Variants in LARP1B observed in about 807,000 individuals in gnomAD.
LARP1B encodes La ribonucleoprotein 1B.
LARP1B carries 76 observed loss-of-function variants against 114.2 expected under a neutral mutation model. The ratio of observed to expected loss-of-function variants is 0.67; its 90% CI spans 0.55 to 0.81. The LOEUF is 0.81. Ranked by LOEUF, LARP1B falls within the 30% of genes least tolerant of loss-of-function variation. The pLI is 0.00. For missense variants in LARP1B, 1,014 were observed against 1,075.8 expected (o/e 0.94, Z 0.80); for synonymous variants, 345 against 348.0 (o/e 0.99, Z 0.10).
chr4:128,147,326 C>T (rs928689618), intron 11 of LARP1B, among the ~76,000 whole-genome samples: 2 of 152,198 alleles, frequency 1.3e-5, no homozygotes, highest in African/African-American at 2.4e-5. Context: ...CTTTTTCTCA[C>T]TGCTAAGACA....
chr4:128,204,487 TC>T (rs964381703), intron 17 of LARP1B, among the ~76,000 whole-genome samples: 4 of 151,842 alleles, frequency 2.6e-5, no homozygotes, highest in Non-Finnish European at 5.9e-5. Context: ...AAACCCCATC[TC>T]TACTAAAAAT....
chr4:128,209,410 G>A (rs945471323), intron 19 of LARP1B, among the ~76,000 whole-genome samples: 1 of 152,030 alleles, frequency 6.6e-6, no homozygotes, highest in Non-Finnish European at 1.5e-5. Flanking sequence ...TACAGAGTGA[G>A]ACTCTGTCTC....
chr4:128,122,074 C>T lies in LARP1B; in HGVS notation c.1410C>T (p.His470=), dbSNP rs1421249855. ...KHPGGDRTGT[H]MSRAKITSEL... is the part of the protein sequence containing the mutation. ...CTGGAGGAGATCGAACAGGCACCCA[C>T]ATGTCTCGGGCAAAAATCACATCTG... Residue 470 remains histidine, a synonymous_variant, in exon 11 of 20, where the codon CAC becomes CAT. Coordinates refer to ENST00000326639, the MANE Select transcript of LARP1B (RefSeq NM_018078.4). 6.2e-7 allele frequency: 1 copy of T among 1,613,976 alleles called. No individual in the cohort carries two copies. Among genetic ancestry groups the T allele is most frequent in the East Asian group, 2.2e-5 (1 of 44,872 alleles).
chr4:128,160,156 T>A (rs1382386006), intron 11 of LARP1B, among the ~76,000 whole-genome samples: 2 of 152,202 alleles, frequency 1.3e-5, no homozygotes, highest in Non-Finnish European at 2.9e-5. Flanking sequence ...CAAATGAGTG[T>A]GGTTATGTTC....
chr4:128,199,498 C>T lies in LARP1B; in HGVS notation c.2063C>T (p.Pro688Leu). Reference sequence around the variant, plus strand: ...CTAGCAGGAAGTTATGGATGTACTCCTCATTCATTCCCAAAGTTCCAGCAT... The same window carrying T: ...CTAGCAGGAAGTTATGGATGTACTCTTCATTCATTCCCAAAGTTCCAGCAT... ...APLAGSYGCTPHSFPKFQHPS... is the reference protein window; with the variant it reads ...APLAGSYGCTLHSFPKFQHPS... Residue 688 changes from proline (P) to leucine (L), a missense_variant, in exon 16 of 20, where the codon CCT becomes CTT. Pro to Leu is a moderately conservative substitution (Grantham distance 98, BLOSUM62 -3). Coordinates refer to ENST00000326639, the MANE Select transcript of LARP1B (RefSeq NM_018078.4). 2 of 1,605,090 alleles carry T rather than the reference C, an allele frequency of 1.2e-6. No individual in the cohort carries two copies. The highest frequency in any genetic ancestry group is 1.7e-4 in the Middle Eastern group (1 of 6,032).
intron 9 of LARP1B, chr4:128,108,793 A>G (rs1184663275): frequency 3.0e-6 from 3 of 984,886 alleles, no homozygotes; most frequent in Non-Finnish European, 3.6e-6. Context: ...TAAGTTAGAT[A>G]AAATAGCATA....
intron 17 of LARP1B, among the ~76,000 whole-genome samples, chr4:128,203,770 G>C (rs530770655): frequency 6.6e-6 from 1 of 152,096 alleles, no homozygotes; most frequent in African/African-American, 2.4e-5. Flanking sequence ...AGCTAACATC[G>C]CTTACATCTC....
At chr4:128,072,630 C>T (rs888361262) in intron 1 of LARP1B, among the ~76,000 whole-genome samples, 8 of 151,906 alleles carry the variant, frequency 5.3e-5, no homozygotes, top group African/African-American at 1.9e-4. Context: ...AGTCTCGGCT[C>T]ACTGCAACTT....
rs111793668 is a variant in LARP1B, at chr4:128,179,367, A to G, written c.1897-39A>G. Reference sequence around the variant, plus strand: ...TTAATTTACTTGTGAAGTTCACACTATTGAAACTAATTGCAATGCTTGACT... The same window carrying G: ...TTAATTTACTTGTGAAGTTCACACTGTTGAAACTAATTGCAATGCTTGACT... On this transcript the variant is annotated intron_variant, in intron 14 of 19. Coordinates refer to ENST00000326639, the MANE Select transcript of LARP1B (RefSeq NM_018078.4). 138 of 1,329,460 alleles carry G rather than the reference A, an allele frequency of 1.0e-4. No individual in the cohort carries two copies. The South Asian group carries it at 1.5e-3, about 14-fold the overall frequency. The allele number at this position is 1,329,460 out of a possible 1,614,324, so 82.4% of individuals were successfully genotyped here.
chr4:128,068,449 T>C (rs1170609737), intron 1 of LARP1B, among the ~76,000 whole-genome samples: 1 of 152,090 alleles, frequency 6.6e-6, no homozygotes, highest in Non-Finnish European at 1.5e-5. Flanking sequence ...GCTTCTCAAG[T>C]AGCTAGGACT....
At chr4:128,184,718 A>G (rs955506504) in intron 15 of LARP1B, among the ~76,000 whole-genome samples, 1 of 152,214 alleles carries the variant, frequency 6.6e-6, no homozygotes, top group Non-Finnish European at 1.5e-5. Context: ...TACCTGTTAA[A>G]TAACTGCTTT....
At position 128,149,832 on chromosome 4, in the gene LARP1B, A is replaced by G. The variant is rs374469874; in HGVS notation, c.1525-12362A>G. On this transcript the variant is annotated intron_variant, in intron 11 of 19. Coordinates refer to ENST00000326639, the MANE Select transcript of LARP1B (RefSeq NM_018078.4). ...AGGAGAGGGAACAATTGAGACAGGA[A>G]GTCCACTAGTGGTAATTTGGAGGAA... Among the ~76,000 whole-genome samples the G allele has an allele frequency of 6.6e-5, 10 of 152,326 alleles. No individual in the cohort carries two copies. In the South Asian group the frequency reaches 2.1e-3, roughly 32 times the overall value.
chr4:128,084,511 G>A (rs1772500071), intron 5 of LARP1B, among the ~76,000 whole-genome samples: 1 of 152,144 alleles, frequency 6.6e-6, no homozygotes, highest in East Asian at 1.9e-4. Flanking sequence ...TGCAATCGCA[G>A]GCACTCGGCA....
intron 11 of LARP1B, among the ~76,000 whole-genome samples, chr4:128,146,960 TA>T (rs1431218102): frequency 6.6e-6 from 1 of 152,182 alleles, no homozygotes; most frequent in Non-Finnish European, 1.5e-5. Flanking sequence ...TGACCAAAAA[TA>T]AAGGACACAG....
intron 15 of LARP1B, among the ~76,000 whole-genome samples, chr4:128,184,567 T>C (rs1307585466): frequency 6.6e-6 from 1 of 152,182 alleles, no homozygotes; most frequent in Non-Finnish European, 1.5e-5. Flanking sequence ...TCTGTTCCAT[T>C]TTTTTCCTTT....
At chr4:128,156,980 G>A (rs1736064355) in intron 11 of LARP1B, among the ~76,000 whole-genome samples, 1 of 150,404 alleles carries the variant, frequency 6.6e-6, no homozygotes, top group South Asian at 2.1e-4. Context: ...TAAGCCTCAA[G>A]CTTTTAGTAA....
intron 11 of LARP1B, among the ~76,000 whole-genome samples, chr4:128,149,214 G>C (rs749917923): frequency 1.3e-5 from 2 of 152,144 alleles, no homozygotes; most frequent in Non-Finnish European, 2.9e-5. Flanking sequence ...TTGAATTTCT[G>C]TAAGTTAAAT....
At chr4:128,162,409 T>A in intron 12 of LARP1B, 92 bp downstream of exon 12, 1 of 1,143,786 alleles carries the variant, frequency 8.7e-7, no homozygotes, top group Non-Finnish European at 1.2e-6. Flanking sequence ...TCTTTATTTG[T>A]GGAAAATCAT....
At chr4:128,079,384 C>G (rs146597239) in intron 4 of LARP1B, among the ~76,000 whole-genome samples, 19 of 151,808 alleles carry the variant, frequency 1.3e-4, no homozygotes, top group Admixed American at 5.9e-4. Flanking sequence ...CATGAGCCAC[C>G]GGGCCTGGCC....
Sources: allele counts gnomAD v4.1 joint callset (sites outside exome capture counted in the v4.1 genomes callset), GRCh38; gene constraint gnomAD v4.1.1; transcripts MANE v1.5; gene names NCBI Gene and HGNC (gene_info 2026-07-23, HGNC 2026-07-21).